Variants in RAP1A observed in about 807,000 individuals in gnomAD.
The protein encoded by RAP1A is ras-related protein Rap-1A.
A neutral mutation model predicts 26.4 loss-of-function variants in RAP1A; 6 were observed. That is an observed-to-expected ratio of 0.23 (90% confidence interval 0.12 to 0.45). The LOEUF (loss-of-function observed/expected upper bound fraction) is 0.45. Among genes scored for constraint, RAP1A ranks in the 20% least tolerant of loss-of-function variants. The pLI, the probability that RAP1A is intolerant of heterozygous loss-of-function variation, is 0.99. For missense variants in RAP1A, 121 were observed against 217.2 expected, an observed-to-expected ratio of 0.56 and a Z score of 2.78; for synonymous variants, 73 against 79.4, an observed-to-expected ratio of 0.92 and a Z score of 0.43.
At chr1:111,703,596 C>A in intron 5 of RAP1A, 120 bp downstream of exon 5, 1 of 990,282 alleles carries the variant, frequency 1.0e-6, no homozygotes, top group South Asian at 3.2e-5. Context: ...TGAAAGAGCC[C>A]CTGTGACCAA....
chr1:111,569,518 T>C lies in RAP1A; in HGVS notation c.-28+27009T>C, dbSNP rs145439981. On this transcript the variant is annotated intron_variant, in intron 1 of 7. Coordinates refer to the RAP1A transcript ENST00000356415. The stretch of plus-strand genomic sequence containing the variant: ...AAATAGCCTAGCTCAGCTGCTGTAC[T>C]GGGTGCAAGGTCCCAGGCAAATCAA... Among the ~76,000 whole-genome samples the C allele has an allele frequency of 7.7e-3, 1,174 of 152,176 alleles. 4 individuals carry two copies. The highest frequency in any genetic ancestry group is 0.013 in the Non-Finnish European group (869 of 68,010).
intron 6 of RAP1A, among the ~76,000 whole-genome samples, chr1:111,708,526 A>G (rs1019331541): frequency 2.6e-5 from 4 of 152,252 alleles, no homozygotes; most frequent in Non-Finnish European, 5.9e-5. Flanking sequence ...GCAATGTGTG[A>G]TCCTGAATGG....
At chr1:111,587,245 T>G (rs774862287) in intron 1 of RAP1A, among the ~76,000 whole-genome samples, 8 of 152,152 alleles carry the variant, frequency 5.3e-5, no homozygotes, top group Non-Finnish European at 1.0e-4. Context: ...CTTCTGTCAT[T>G]CTTCTCAACA....
At chr1:111,549,628 C>T (rs901900270) in intron 1 of RAP1A, among the ~76,000 whole-genome samples, 9 of 143,072 alleles carry the variant, frequency 6.3e-5, no homozygotes, top group Non-Finnish European at 1.4e-4. Flanking sequence ...CCAGCCTGGG[C>T]AACAGAGTGA....
At chr1:111,693,506 T>G (rs1661733577) in intron 2 of RAP1A, among the ~76,000 whole-genome samples, 1 of 151,998 alleles carries the variant, frequency 6.6e-6, no homozygotes, top group Non-Finnish European at 1.5e-5. Context: ...AGGAATAAAA[T>G]TATAATCTAT....
intron 1 of RAP1A, among the ~76,000 whole-genome samples, chr1:111,634,784 AC>A (rs1659677419): frequency 6.6e-6 from 1 of 151,930 alleles, no homozygotes; most frequent in Non-Finnish European, 1.5e-5. Context: ...AGCTGGGATT[AC>A]AGGCACGCAC....
intron 1 of RAP1A, among the ~76,000 whole-genome samples, chr1:111,642,541 T>C (rs1293242061): frequency 6.6e-6 from 1 of 151,748 alleles, no homozygotes; most frequent in Non-Finnish European, 1.5e-5. Flanking sequence ...AGGCTAGAGT[T>C]CAGTGGCACT....
chr1:111,590,792 TA>T (rs1658457742), intron 1 of RAP1A, among the ~76,000 whole-genome samples: 1 of 152,224 alleles, frequency 6.6e-6, no homozygotes, highest in Admixed American at 6.5e-5. Context: ...AATGCATTGC[TA>T]GATTTAATTT....
In RAP1A at chr1:111,627,735, G is replaced by C. The variant is rs576923737; in HGVS notation, c.-28+7801G>C. Among the ~76,000 whole-genome samples the C allele has an allele frequency of 2.7e-5, 4 of 149,130 alleles. No individual in the cohort carries two copies. In the South Asian group the frequency reaches 8.4e-4, roughly 31 times the overall value. On this transcript the variant is annotated intron_variant, in intron 1 of 7. Coordinates refer to ENST00000369709, the MANE Select transcript of RAP1A (RefSeq NM_002884.4). ...AAAATATTTTAGGTAAAAGTAATCT[G>C]TGACCAAAAAAAAAATTACTGATTA...
Position 111,697,430 on chromosome 1 carries a change from TGCCCCCA to T in RAP1A, c.127-10_127-4del, listed in dbSNP as rs1557896355. 2 of 1,610,490 alleles carry T rather than the reference TGCCCCCA, an allele frequency of 1.2e-6. No individual in the cohort carries two copies. Among genetic ancestry groups the T allele is most frequent in the Non-Finnish European group, 1.7e-6 (2 of 1,178,836 alleles). ...TACTCTTTAACCTTTTTTTTTTTTT[TGCCCCCA>T]CAGCAAGTTGAAGTCGATTGCCAAC... is the stretch of plus-strand genomic sequence containing the variant. On this transcript the variant is annotated splice_region_variant and splice_polypyrimidine_tract_variant and intron_variant, in intron 3 of 7. Coordinates refer to ENST00000369709, the MANE Select transcript of RAP1A (RefSeq NM_002884.4).
chr1:111,580,522 G>A lies in RAP1A; in HGVS notation c.-28+38013G>A, dbSNP rs556269374. Among the ~76,000 whole-genome samples the A allele has an allele frequency of 7.2e-5, 11 of 152,308 alleles. No homozygotes were observed. The East Asian group carries it at 1.5e-3, about 21-fold the overall frequency. On this transcript the variant is annotated intron_variant, in intron 1 of 7. Coordinates refer to the RAP1A transcript ENST00000356415. Reference sequence around the variant, plus strand: ...TAAAGCCATGAGAATAAGTGAATGTGCCCCAGAAAGACAGAAGAGAGAAGA... The same window carrying A: ...TAAAGCCATGAGAATAAGTGAATGTACCCCAGAAAGACAGAAGAGAGAAGA...
At chr1:111,544,206 T>C (rs1464626963) in intron 1 of RAP1A, among the ~76,000 whole-genome samples, 1 of 152,210 alleles carries the variant, frequency 6.6e-6, no homozygotes, top group African/African-American at 2.4e-5. Context: ...CATCTTTGAT[T>C]TATCCCTTGT....
intron 1 of RAP1A, among the ~76,000 whole-genome samples, chr1:111,586,809 T>G (rs1557858488): frequency 6.6e-6 from 1 of 152,220 alleles, no homozygotes; most frequent in African/African-American, 2.4e-5. Flanking sequence ...CTTTACTGCC[T>G]TCTTTGAGAT....
chr1:111,542,270 A>G, exon 1 of RAP1A: 1 of 603,954 alleles, frequency 1.7e-6, no homozygotes, highest in South Asian at 1.4e-5. Context: ...GCCGTATTTC[A>G]GGATCAGACC....
intron 1 of RAP1A, among the ~76,000 whole-genome samples, chr1:111,566,147 C>G (rs777489429): frequency 6.6e-6 from 1 of 152,036 alleles, no homozygotes; most frequent in Middle Eastern, 3.4e-3. Context: ...AGGGAGCTAC[C>G]GAGGGAAGAC....
intron 1 of RAP1A, among the ~76,000 whole-genome samples, chr1:111,545,294 T>C (rs1046832193): frequency 1.3e-5 from 2 of 151,910 alleles, no homozygotes; most frequent in Non-Finnish European, 2.9e-5. Flanking sequence ...TTATTTTTCC[T>C]TTTTTTTAAT....
intron 1 of RAP1A, among the ~76,000 whole-genome samples, chr1:111,607,521 G>A (rs987147519): frequency 1.3e-5 from 2 of 152,322 alleles, no homozygotes; most frequent in South Asian, 2.1e-4. Flanking sequence ...TCAATGAGCT[G>A]TTGGGTACAC....
chr1:111,701,549 A>C (rs912263533), intron 4 of RAP1A, among the ~76,000 whole-genome samples: 4 of 152,150 alleles, frequency 2.6e-5, no homozygotes, highest in African/African-American at 9.7e-5. Context: ...CATGATCACT[A>C]ACATATCCAT....
intron 1 of RAP1A, among the ~76,000 whole-genome samples, chr1:111,655,252 AC>A (rs1391868110): frequency 1.7e-4 from 21 of 122,034 alleles, no homozygotes; most frequent in Admixed American, 4.7e-4. Flanking sequence ...AGAAAAAAAA[AC>A]AATGCAATAA....
Sources: gnomAD v4.1 joint callset for allele counts (sites outside exome capture counted in the v4.1 genomes callset) on GRCh38, gnomAD v4.1.1 for gene constraint, MANE v1.5 for transcripts, NCBI Gene and HGNC (gene_info 2026-07-23, HGNC 2026-07-21) for gene names.